NCKAP5: variants seen among roughly 807,000 people sequenced by gnomAD.
NCKAP5 encodes the protein nck-associated protein 5.
Under a neutral mutation model 167.0 loss-of-function variants are expected in NCKAP5, and 92 were observed. The observed-to-expected ratio is 0.55, with a 90% CI of 0.47 to 0.66. The LOEUF (loss-of-function observed/expected upper bound fraction) is 0.66. Among genes scored for constraint, NCKAP5 ranks in the 30% least tolerant of loss-of-function variants. The pLI, the probability that NCKAP5 is intolerant of heterozygous loss-of-function variation, is 0.00. For synonymous variants in NCKAP5, 891 were observed against 877.4 expected (o/e 1.02, Z -0.27); for missense variants, 2,378 against 2,315.0 (o/e 1.03, Z -0.56).
At chr2:133,426,489 A>G (rs1346353740) in intron 3 of NCKAP5, among the ~76,000 whole-genome samples, 3 of 151,958 alleles carry the variant, frequency 2.0e-5, no homozygotes, top group Non-Finnish European at 4.4e-5. Context: ...AATTTATTTT[A>G]AGAAGCCAGC....
intron 8 of NCKAP5, among the ~76,000 whole-genome samples, chr2:132,926,518 A>G (rs1243608942): frequency 6.6e-6 from 1 of 152,202 alleles, no homozygotes; most frequent in Non-Finnish European, 1.5e-5. Context: ...TTTTCTCTGC[A>G]TCTCACCAAC....
At chr2:133,038,425 T>C (rs2079105598) in intron 6 of NCKAP5, among the ~76,000 whole-genome samples, 1 of 152,024 alleles carries the variant, frequency 6.6e-6, no homozygotes, top group Admixed American at 6.6e-5. Flanking sequence ...ATCAAAACAA[T>C]TGAACTCATG....
intron 3 of NCKAP5, among the ~76,000 whole-genome samples, chr2:133,360,017 T>C (rs909419471): frequency 3.3e-5 from 5 of 152,200 alleles, no homozygotes; most frequent in Admixed American, 6.5e-5. Context: ...TATCACACCA[T>C]ATAACAAAGT....
intron 6 of NCKAP5, among the ~76,000 whole-genome samples, chr2:133,066,813 C>T (rs1190149145): frequency 6.6e-6 from 1 of 152,152 alleles, no homozygotes; most frequent in Non-Finnish European, 1.5e-5. Flanking sequence ...TCAAAGCTAA[C>T]TTCTACCACA....
intron 3 of NCKAP5, among the ~76,000 whole-genome samples, chr2:133,321,164 A>G (rs1682024046): frequency 6.6e-6 from 1 of 152,156 alleles, no homozygotes; most frequent in Admixed American, 6.5e-5. Flanking sequence ...CTGAGGACTG[A>G]CAAAGGGTTC....
Position 133,392,493 on chromosome 2 carries a change from ATG to A in NCKAP5, c.70-89385_70-89384del, listed in dbSNP as rs146593320. Among the ~76,000 whole-genome samples the A allele has an allele frequency of 8.5e-3, 1,295 of 152,290 alleles. 5 individuals carry two copies. The highest frequency in any genetic ancestry group is 0.058 in the Middle Eastern group (17 of 294). ...ATACGACTTTAAAAACAGTATAATTATGTGTCTTTGTTTCTGTATTCCCCATA... is the reference window on the plus strand; with the variant it reads ...ATACGACTTTAAAAACAGTATAATTATGTCTTTGTTTCTGTATTCCCCATA... On this transcript the variant is annotated intron_variant, in intron 3 of 19. Transcript: ENST00000409261.
rs749776982 is a variant in NCKAP5 at position 132,782,979 on chromosome 2, A to G, written c.3832T>C (p.Phe1278Leu). The change falls in exon 14 of 20, where the codon TTC becomes CTC. Residue 1278 changes from phenylalanine (F) to leucine (L), a missense_variant. Physicochemically the swap from Phe to Leu is conservative, Grantham distance 22. Around this residue, in one of 3 missense-constraint regions of NCKAP5, gnomAD observed 1,325 missense variants for 1,274.5 expected, o/e 1.04. Transcript: ENST00000409261. ...MNGAKARSHS[F>L]STHSGDKPST... is the part of the protein sequence containing the mutation. ...GGCTTGTCTCCTGAGTGTGTACTGAAGCTGTGGCTGCGGGCTTTGGCGCCA... is the reference window on the plus strand; with the variant it reads ...GGCTTGTCTCCTGAGTGTGTACTGAGGCTGTGGCTGCGGGCTTTGGCGCCA... The G allele has an allele frequency of 1.2e-6, 2 of 1,613,740 alleles. No homozygotes were observed. Among genetic ancestry groups the G allele is most frequent in the African/African-American group, 2.7e-5 (2 of 74,878 alleles).
chr2:132,946,735 A>G (rs60002781), intron 8 of NCKAP5, among the ~76,000 whole-genome samples: 15,433 of 152,066 alleles, frequency 0.1, 1,595 homozygotes, highest in Admixed American at 0.26. Flanking sequence ...TGTCTCTATA[A>G]AAAAATACAA....
At chr2:133,110,294 G>C (rs2081863765) in intron 6 of NCKAP5, among the ~76,000 whole-genome samples, 1 of 152,094 alleles carries the variant, frequency 6.6e-6, no homozygotes, top group Non-Finnish European at 1.5e-5. Context: ...ACTGATCCTG[G>C]ATTATTTCTA....
chr2:133,022,476 T>C (rs187848885), intron 6 of NCKAP5, among the ~76,000 whole-genome samples: 2 of 152,272 alleles, frequency 1.3e-5, no homozygotes, highest in Non-Finnish European at 2.9e-5. Flanking sequence ...TGGGCTCCCC[T>C]TTATCTGCCT....
chr2:133,443,659 T>C (rs72846361), intron 3 of NCKAP5, among the ~76,000 whole-genome samples: 16,205 of 152,220 alleles, frequency 0.11, 927 homozygotes, highest in Middle Eastern at 0.19. Flanking sequence ...GCTTGAAGCA[T>C]GCAGACTTCC....
chr2:132,787,308 A>G (rs1324376393), intron 13 of NCKAP5, among the ~76,000 whole-genome samples: 2 of 149,200 alleles, frequency 1.3e-5, no homozygotes, highest in African/African-American at 5.0e-5. Context: ...AGATTGCACC[A>G]TTGCACTCCC....
At chr2:133,217,897 A>G (rs2086499939) in intron 4 of NCKAP5, among the ~76,000 whole-genome samples, 1 of 152,120 alleles carries the variant, frequency 6.6e-6, no homozygotes, top group South Asian at 2.1e-4. Flanking sequence ...GCTTTTTTAC[A>G]TACATTCTAA....
At chr2:133,148,662 C>A (rs544786455) in intron 5 of NCKAP5, among the ~76,000 whole-genome samples, 1 of 152,056 alleles carries the variant, frequency 6.6e-6, no homozygotes, top group South Asian at 2.1e-4. Flanking sequence ...CCATTCAGTT[C>A]CTGGTGAGGG....
chr2:133,260,473 T>G (rs569558430), intron 4 of NCKAP5, among the ~76,000 whole-genome samples: 6 of 152,194 alleles, frequency 3.9e-5, no homozygotes, highest in African/African-American at 1.2e-4. Context: ...AACATTCTTA[T>G]TAAAGATCAA....
intron 3 of NCKAP5, among the ~76,000 whole-genome samples, chr2:133,437,098 A>G (rs1690532478): frequency 6.6e-6 from 1 of 152,176 alleles, no homozygotes; most frequent in Non-Finnish European, 1.5e-5. Context: ...TCACTCCCGT[A>G]ATCCCAGCAC....
chr2:133,521,193 G>A (rs953407897), intron 2 of NCKAP5, among the ~76,000 whole-genome samples: 18 of 152,178 alleles, frequency 1.2e-4, no homozygotes, highest in African/African-American at 4.3e-4. Flanking sequence ...GGGGGGAAAT[G>A]AGTATATCAT....
At chr2:133,453,208 A>G (rs1231354495) in intron 3 of NCKAP5, among the ~76,000 whole-genome samples, 6 of 152,198 alleles carry the variant, frequency 3.9e-5, no homozygotes, top group African/African-American at 9.6e-5. Flanking sequence ...GGTCACCTCA[A>G]TCAGGAAGTA....
intron 3 of NCKAP5, among the ~76,000 whole-genome samples, chr2:133,476,613 TCATA>T (rs1679927719): frequency 6.6e-6 from 1 of 152,206 alleles, no homozygotes; most frequent in Non-Finnish European, 1.5e-5. Flanking sequence ...AATTTACTCT[TCATA>T]CATTCTTCCC....
Sources: gnomAD v4.1 joint callset for allele counts (sites outside exome capture counted in the v4.1 genomes callset) on GRCh38, gnomAD v4.1.1 for gene constraint, gnomAD v4.1.1 regional missense constraint, MANE v1.5 for transcripts, NCBI Gene and HGNC (gene_info 2026-07-23, HGNC 2026-07-21) for gene names.